The following EEF1AKMT2 variants were observed in gnomAD, a reference collection of about 807,000 sequenced individuals.
EEF1AKMT2 encodes the protein EEF1A lysine methyltransferase 2, also known as eukaryotic translation elongation factor 1 alpha lysine methyltransferase 2.
A neutral mutation model predicts 35.8 loss-of-function variants in EEF1AKMT2; 32 were observed. The observed-to-expected ratio is 0.89, with a 90% CI of 0.67 to 1.20. The LOEUF (loss-of-function observed/expected upper bound fraction) is 1.20. EEF1AKMT2 is among the 50% of genes most tolerant of loss of function. The probability of loss-of-function intolerance (pLI) is 0.00; values close to 1 mark genes in which losing one functional copy is unlikely to be tolerated. For synonymous variants in EEF1AKMT2, 121 were observed against 133.7 expected (o/e 0.91, Z 0.65); for missense variants, 330 against 347.5 (o/e 0.95, Z 0.40).
At chr10:124,787,811 T>G (rs572654879) in intron 3 of EEF1AKMT2, among the ~76,000 whole-genome samples, 2 of 152,302 alleles carry the variant, frequency 1.3e-5, no homozygotes, top group Non-Finnish European at 2.9e-5. Context: ...TATAATATTT[T>G]ACATCTTGAC....
At position 124,759,702 on chromosome 10, in the gene EEF1AKMT2, CAAG is replaced by C. The variant is rs1398227580; in HGVS notation, c.*798_*800del. ...AAACAAGAACAAGCAATACATACCT[CAAG>C]AAGACATTGAAAGGACTCAATTACT... On this transcript the variant is annotated 3_prime_UTR_variant, in exon 7 of 7. Transcript: ENST00000368836. 1 of 152,170 alleles carries C rather than the reference CAAG, an allele frequency of 6.6e-6. No individual in the cohort carries two copies. Among genetic ancestry groups the C allele is most frequent in the Admixed American group, 6.5e-5 (1 of 15,276 alleles). The allele number at this position is 152,170 out of a possible 1,614,324, so 9.4% of individuals were successfully genotyped here. A position where few individuals can be genotyped will look rare whatever the true frequency, so the allele number is the denominator to read the frequency against.
chr10:124,765,255 G>A, intron 5 of EEF1AKMT2, 137 bp downstream of exon 5: 4 of 673,938 alleles, frequency 5.9e-6, no homozygotes, highest in Non-Finnish European at 1.0e-5. Context: ...TTATTGTCAA[G>A]GTAATTAACA....
intron 3 of EEF1AKMT2, among the ~76,000 whole-genome samples, chr10:124,785,246 C>CAAAAAAAAAAAA (rs35915292): frequency 3.3e-5 from 2 of 61,398 alleles, no homozygotes; most frequent in Non-Finnish European, 5.6e-5. Flanking sequence ...GACTCCGTCT[C>CAAAAAAAAAAAA]AAAAAAAAAA....
chr10:124,791,875 A>G lies in EEF1AKMT2; in HGVS notation c.-42T>C. On this transcript the variant is annotated 5_prime_UTR_variant, in exon 1 of 7. Transcript: ENST00000368836. ...GACGGCCGTTGGGGCCGCCATAGAGACGGGGCACAGGCAGAGCGGACGAGC... is the reference window on the plus strand; with the variant it reads ...GACGGCCGTTGGGGCCGCCATAGAGGCGGGGCACAGGCAGAGCGGACGAGC... 6.5e-7 allele frequency: 1 copy of G among 1,532,358 alleles called. No individual in the cohort carries two copies. Among genetic ancestry groups the G allele is most frequent in the Non-Finnish European group, 8.7e-7 (1 of 1,145,100 alleles). The allele number at this position is 1,532,358 out of a possible 1,614,324, so 94.9% of individuals were successfully genotyped here. A position where few individuals can be genotyped will look rare whatever the true frequency, so the allele number is the denominator to read the frequency against.
intron 2 of EEF1AKMT2, 43 bp downstream of exon 2, chr10:124,790,230 A>G (rs1265967158): frequency 1.4e-6 from 2 of 1,389,002 alleles, no homozygotes; most frequent in East Asian, 2.3e-5. Flanking sequence ...ACACATATAC[A>G]TATAATCTTC....
chr10:124,789,682 G>A (rs1950617509), intron 2 of EEF1AKMT2, among the ~76,000 whole-genome samples: 1 of 151,268 alleles, frequency 6.6e-6, no homozygotes, highest in Non-Finnish European at 1.5e-5. Context: ...CTGGGCCCAG[G>A]AGGTCCAGGA....
At chr10:124,763,824 T>G (rs1360894676) in intron 5 of EEF1AKMT2, among the ~76,000 whole-genome samples, 1 of 152,152 alleles carries the variant, frequency 6.6e-6, no homozygotes, top group Non-Finnish European at 1.5e-5. Flanking sequence ...TTATTAAAAC[T>G]GTCAAAGTTC....
At chr10:124,765,325 G>A in intron 5 of EEF1AKMT2, 67 bp downstream of exon 5, 2 of 1,327,286 alleles carry the variant, frequency 1.5e-6, no homozygotes, top group Non-Finnish European at 2.1e-6. Context: ...ACAAAACGGG[G>A]AGAAAACCTA....
intron 4 of EEF1AKMT2, among the ~76,000 whole-genome samples, chr10:124,767,682 GAA>G (rs1418099548): frequency 6.6e-6 from 1 of 152,030 alleles, no homozygotes; most frequent in Non-Finnish European, 1.5e-5. Flanking sequence ...AAACAGTTTG[GAA>G]AAGAGTAGAA....
In EEF1AKMT2 at chr10:124,762,473, TA is replaced by T; in HGVS notation, c.701del (p.Val234GlufsTer13). On this transcript the variant is annotated frameshift_variant, in exon 6 of 7. Transcript: ENST00000368836. LOFTEE classifies it high-confidence loss of function. Reference protein sequence around the residue: ...QAIFSTSASRVGGTTGTHHHA... With the variant: ...QAIFSTSASRXGGTTGTHHHA... Reference sequence around the variant, plus strand: ...GATGATGTGTGCCTGTAGTTCCACCTACTCGGGAGGCTGAAGTGGAAAAGAT... The same window carrying T: ...GATGATGTGTGCCTGTAGTTCCACCTCTCGGGAGGCTGAAGTGGAAAAGAT... 7.7e-7 allele frequency: 1 copy of T among 1,295,006 alleles called. No individual in the cohort carries two copies. The highest frequency in any genetic ancestry group is 1.0e-6 in the Non-Finnish European group (1 of 982,268). 80.2% of individuals were successfully genotyped at this position (1,295,006 alleles called of 1,614,324 possible). A position where few individuals can be genotyped will look rare whatever the true frequency, so the allele number is the denominator to read the frequency against.
chr10:124,789,006 A>C, intron 3 of EEF1AKMT2, 37 bp downstream of exon 3: 1 of 1,511,018 alleles, frequency 6.6e-7, no homozygotes, highest in Non-Finnish European at 9.1e-7. Flanking sequence ...TTCCTTTTAA[A>C]ATTTGTCTTT....
intron 3 of EEF1AKMT2, among the ~76,000 whole-genome samples, chr10:124,783,116 G>A (rs930203869): frequency 6.7e-6 from 1 of 149,628 alleles, no homozygotes; most frequent in African/African-American, 2.4e-5. Context: ...AAAAAGTATT[G>A]GTGAGGATAT....
In EEF1AKMT2 at chr10:124,771,276, T is replaced by G. The variant is rs545690458; in HGVS notation, c.399+3399A>C. ...CACCACACCTGGCTAATTCTTTGTA[T>G]TTTTAGTAGAGATGGGGTTTCACCA... On this transcript the variant is annotated intron_variant, in intron 4 of 6. Coordinates refer to ENST00000368836, the MANE Select transcript of EEF1AKMT2 (RefSeq NM_212554.4). Among the ~76,000 whole-genome samples the G allele has an allele frequency of 3.3e-5, 5 of 151,988 alleles. No homozygotes were observed. In the South Asian group the frequency reaches 1.0e-3, roughly 32 times the overall value.
In EEF1AKMT2 at chr10:124,791,734, T is replaced by C; in HGVS notation, c.100A>G (p.Thr34Ala). 1.3e-6 allele frequency: 2 copies of C among 1,586,346 alleles called. No homozygotes were observed. The highest frequency in any genetic ancestry group is 1.1e-5 in the South Asian group (1 of 88,072). ...CAGCGTCACACTCACTGCTCGCGGG[T>C]CCCCAGCGCCGACGGGACGAAACCG... ...EDGFVPSALG[T>A]REHWDAVYER... is the part of the protein sequence containing the mutation. Residue 34 changes from threonine (T) to alanine (A), a missense_variant, in exon 1 of 7, where the codon ACC becomes GCC. By Grantham distance (58) the Thr-to-Ala change is moderately conservative. Coordinates refer to ENST00000368836, the MANE Select transcript of EEF1AKMT2 (RefSeq NM_212554.4).
intron 1 of EEF1AKMT2, 88 bp downstream of exon 1, chr10:124,791,636 G>A: frequency 6.6e-7 from 1 of 1,522,980 alleles, no homozygotes; most frequent in Non-Finnish European, 8.8e-7. Flanking sequence ...CCCTGTCCCT[G>A]AGCCCCGGGT....
chr10:124,769,181 G>A (rs1167210273), intron 4 of EEF1AKMT2, among the ~76,000 whole-genome samples: 1 of 131,030 alleles, frequency 7.6e-6, no homozygotes, highest in East Asian at 2.3e-4. Flanking sequence ...TAACACCACC[G>A]CACTCCAGCC....
At chr10:124,791,692 G>C in intron 1 of EEF1AKMT2, 32 bp downstream of exon 1, 1 of 1,553,950 alleles carries the variant, frequency 6.4e-7, no homozygotes, top group Non-Finnish European at 8.7e-7. Flanking sequence ...GGGCGGCACG[G>C]CTCATCCTCC....
At chr10:124,773,041 C>T (rs536799256) in intron 4 of EEF1AKMT2, among the ~76,000 whole-genome samples, 136 of 152,290 alleles carry the variant, frequency 8.9e-4, no homozygotes, top group Non-Finnish European at 1.8e-3. Context: ...CACAAGAGGC[C>T]TAGCTTTTGG....
rs1481687921 is a variant in EEF1AKMT2 at position 124,774,701 on chromosome 10, CT to C, written c.372del (p.Glu125LysfsTer8). 1.4e-6 allele frequency: 2 copies of C among 1,458,976 alleles called. No homozygotes were observed. The highest frequency in any genetic ancestry group is 1.8e-6 in the Non-Finnish European group (2 of 1,103,076). 90.4% of individuals were successfully genotyped at this position (1,458,976 alleles called of 1,614,324 possible). A position where few individuals can be genotyped will look rare whatever the true frequency, so the allele number is the denominator to read the frequency against. On this transcript the variant is annotated frameshift_variant, in exon 4 of 7. Coordinates refer to ENST00000368836, the MANE Select transcript of EEF1AKMT2 (RefSeq NM_212554.4). LOFTEE classifies it high-confidence loss of function. The part of the protein sequence containing the change: ...AIQLSGSIIE[K>X]EGLSNIKLKV... ...TTTAACTTAATGTTAGATAAACCTTCTTTTTCTATAATACTTCCAGAAAGCT... is the reference window on the plus strand; with the variant it reads ...TTTAACTTAATGTTAGATAAACCTTCTTTTCTATAATACTTCCAGAAAGCT...
Sources: allele counts gnomAD v4.1 joint callset (sites outside exome capture counted in the v4.1 genomes callset), GRCh38; gene constraint gnomAD v4.1.1; transcripts MANE v1.5; gene names NCBI Gene and HGNC (gene_info 2026-07-23, HGNC 2026-07-21).